HIKESHI: variants seen among roughly 807,000 people sequenced by gnomAD.
HIKESHI encodes heat shock protein nuclear import factor hikeshi, also known as protein Hikeshi.
HIKESHI carries 13 observed loss-of-function variants against 25.7 expected under a neutral mutation model. The ratio of observed to expected loss-of-function variants is 0.51; its 90% CI spans 0.33 to 0.80. The LOEUF is 0.80. Among genes scored for constraint, HIKESHI ranks in the 30% least tolerant of loss-of-function variants. The pLI is 0.02. For synonymous variants in HIKESHI, 76 were observed against 78.7 expected, an observed-to-expected ratio of 0.97 and a Z score of 0.18; for missense variants, 174 against 229.5, an observed-to-expected ratio of 0.76 and a Z score of 1.56.
At chr11:86,323,271 A>G (rs1410741575) in intron 2 of HIKESHI, among the ~76,000 whole-genome samples, 1 of 152,100 alleles carries the variant, frequency 6.6e-6, no homozygotes, top group Non-Finnish European at 1.5e-5. Flanking sequence ...GTATTTATGT[A>G]TTGATTTTAA....
rs1565719899 is a variant in HIKESHI at position 86,307,920 on chromosome 11, T to TATAATATATAAAATATATATTATGTGTA, written c.268+1441_268+1442insATATATAAAATATATATTATGTGTAATA. ...TATATAAAATATATATTATGTGTAA[T>TATAATATATAAAATATATATTATGTGTA]ATATAATATATAAAATATATATTAT... is the stretch of plus-strand genomic sequence containing the variant. On this transcript the variant is annotated intron_variant, in intron 2 of 4. Coordinates refer to ENST00000278483, the MANE Select transcript of HIKESHI (RefSeq NM_016401.4). Among the ~76,000 whole-genome samples the TATAATATATAAAATATATATTATGTGTA allele has an allele frequency of 1.2e-4, 8 of 68,946 alleles. 1 individual carries two copies. Among genetic ancestry groups the TATAATATATAAAATATATATTATGTGTA allele is most frequent in the Non-Finnish European group, 1.7e-4 (7 of 41,262 alleles). 45.2% of individuals were successfully genotyped at this position (68,946 alleles called of 152,430 possible).
intron 3 of HIKESHI, among the ~76,000 whole-genome samples, chr11:86,340,425 C>G (rs148852827): frequency 0.013 from 2,043 of 152,254 alleles, 50 homozygotes; most frequent in African/African-American, 0.047. Context: ...TGTTTCCTGA[C>G]TTTTTAATGA....
chr11:86,345,417 T>G, intron 4 of HIKESHI, 167 bp from the exon 5 acceptor site: 2 of 508,540 alleles, frequency 3.9e-6, no homozygotes, highest in South Asian at 3.2e-5. Context: ...TTCCTATGCT[T>G]GCTGTCTTTT....
intron 2 of HIKESHI, among the ~76,000 whole-genome samples, chr11:86,327,197 G>C (rs146366106): frequency 6.6e-6 from 1 of 152,206 alleles, no homozygotes; most frequent in African/African-American, 2.4e-5. Context: ...GAATGAAAGG[G>C]TAGCATATAT....
intron 2 of HIKESHI, among the ~76,000 whole-genome samples, chr11:86,330,931 A>G (rs1254770391): frequency 6.6e-6 from 1 of 152,190 alleles, no homozygotes; most frequent in East Asian, 1.9e-4. Context: ...AAAACCTGTA[A>G]CAGCTATGAA....
intron 2 of HIKESHI, among the ~76,000 whole-genome samples, 164 bp downstream of exon 2, chr11:86,306,646 T>C (rs551716735): frequency 6.6e-6 from 1 of 152,126 alleles, no homozygotes; most frequent in South Asian, 2.1e-4. Context: ...ATTTGAAAAA[T>C]AGTGAAAGAC....
Position 86,332,004 on chromosome 11 carries a change from G to A in HIKESHI, c.269-5375G>A, listed in dbSNP as rs1319586197. Among the ~76,000 whole-genome samples the A allele has an allele frequency of 2.1e-5, 3 of 140,568 alleles. No individual in the cohort carries two copies. The East Asian group carries it at 6.2e-4, about 29-fold the overall frequency. The allele number at this position is 140,568 out of a possible 152,430, so 92.2% of individuals were successfully genotyped here. ...TTTCTTTTTTTTTTTTTTTTGCGACGGAGTCTTGCTCTGTCGCTCAGGCTG... is the reference window on the plus strand; with the variant it reads ...TTTCTTTTTTTTTTTTTTTTGCGACAGAGTCTTGCTCTGTCGCTCAGGCTG... On this transcript the variant is annotated intron_variant, in intron 2 of 4. Coordinates refer to ENST00000278483, the MANE Select transcript of HIKESHI (RefSeq NM_016401.4).
Position 86,306,369 on chromosome 11 carries a change from G to T in HIKESHI, c.155G>T (p.Gly52Val). 1 of 1,613,408 alleles carries T rather than the reference G, an allele frequency of 6.2e-7. No homozygotes were observed. The highest frequency in any genetic ancestry group is 8.5e-7 in the Non-Finnish European group (1 of 1,179,320). ...GTIPFPEGMG[G>V]SVYFSYPDSN... ...ATCCCATTTCCTGAGGGAATGGGAG[G>T]ATCTGTCTACTTTTCTTATCCTGAT... The change falls in exon 2 of 5, where the codon GGA becomes GTA. Residue 52 changes from glycine (G) to valine (V), a missense_variant. Transcript: ENST00000278483.
At chr11:86,308,544 C>G (rs1946744160) in intron 2 of HIKESHI, among the ~76,000 whole-genome samples, 1 of 52,720 alleles carries the variant, frequency 1.9e-5, no homozygotes, top group South Asian at 7.8e-4. Context: ...GTTGACATTG[C>G]AGAGCCATAA....
chr11:86,345,365 G>T (rs528472088), intron 4 of HIKESHI: 21 of 411,416 alleles, frequency 5.1e-5, no homozygotes, highest in African/African-American at 4.4e-4. Context: ...TATGATTTGT[G>T]CTCTCTGATA....
At chr11:86,303,443 T>C in intron 1 of HIKESHI, 1 of 978,262 alleles carries the variant, frequency 1.0e-6, no homozygotes, top group Non-Finnish European at 1.2e-6. Flanking sequence ...GTGGTGATGG[T>C]GGTAATTCAT....
chr11:86,325,873 GAA>G (rs35520236), intron 2 of HIKESHI, among the ~76,000 whole-genome samples: 26 of 146,848 alleles, frequency 1.8e-4, no homozygotes, highest in African/African-American at 3.0e-4. Flanking sequence ...CTCCGTCTCA[GAA>G]AAAAAAAAAA....
intron 2 of HIKESHI, among the ~76,000 whole-genome samples, chr11:86,330,012 T>G (rs1168200378): frequency 6.6e-6 from 1 of 152,168 alleles, no homozygotes; most frequent in African/African-American, 2.4e-5. Flanking sequence ...GTTATTTATA[T>G]GGTTAGGTTT....
At chr11:86,330,152 G>T (rs1947383966) in intron 2 of HIKESHI, among the ~76,000 whole-genome samples, 1 of 151,906 alleles carries the variant, frequency 6.6e-6, no homozygotes, top group Non-Finnish European at 1.5e-5. Flanking sequence ...TTCCTCTAGG[G>T]ATTACAATAT....
At position 86,319,161 on chromosome 11, in the gene HIKESHI, C is replaced by G. The variant is rs1393503626; in HGVS notation, c.268+12679C>G. Among the ~76,000 whole-genome samples the G allele has an allele frequency of 2.6e-4, 39 of 149,864 alleles. No homozygotes were observed. The Admixed American group carries it at 2.6e-3, about 10-fold the overall frequency. ...TCCTGGCCTCAGGTGATCCTCTTGC[C>G]TTGGCCTTCCAGAAGTGCTGGGATT... On this transcript the variant is annotated intron_variant, in intron 2 of 4. Coordinates refer to ENST00000278483, the MANE Select transcript of HIKESHI (RefSeq NM_016401.4).
intron 2 of HIKESHI, among the ~76,000 whole-genome samples, chr11:86,308,663 G>T (rs970356694): frequency 6.6e-6 from 1 of 151,416 alleles, no homozygotes; most frequent in Non-Finnish European, 1.5e-5. Context: ...TTGGTGTGCT[G>T]CACCCGTTAA....
At chr11:86,304,991 T>C (rs1946585068) in intron 1 of HIKESHI, among the ~76,000 whole-genome samples, 1 of 152,166 alleles carries the variant, frequency 6.6e-6, no homozygotes. Flanking sequence ...CCTGTTTTAA[T>C]TACCTGAGAT....
chr11:86,324,882 T>C (rs1251472115), intron 2 of HIKESHI, among the ~76,000 whole-genome samples: 1 of 152,114 alleles, frequency 6.6e-6, no homozygotes, highest in Non-Finnish European at 1.5e-5. Context: ...ACAAATTTCA[T>C]GTTAAGAAAT....
At chr11:86,319,242 A>ATATATATATATATATTT (rs1383589741) in intron 2 of HIKESHI, among the ~76,000 whole-genome samples, 8 of 94,944 alleles carry the variant, frequency 8.4e-5, no homozygotes, top group African/African-American at 3.7e-4. Context: ...ATATATATAT[A>ATATATATATATATATTT]TTTTTTTTTT....
Sources: allele counts gnomAD v4.1 joint callset (sites outside exome capture counted in the v4.1 genomes callset), GRCh38; gene constraint gnomAD v4.1.1; transcripts MANE v1.5; gene names NCBI Gene and HGNC (gene_info 2026-07-23, HGNC 2026-07-21).